Variants in RNF130 observed in about 807,000 individuals in gnomAD.
RNF130 encodes ring finger protein 130, also known as E3 ubiquitin-protein ligase RNF130.
RNF130 carries 21 observed loss-of-function variants against 44.6 expected under a neutral mutation model. The observed-to-expected ratio is 0.47, with a 90% CI of 0.33 to 0.68. The LOEUF (loss-of-function observed/expected upper bound fraction) is 0.68, where lower values mean the gene tolerates loss of function less well. Ranked by LOEUF, RNF130 falls within the 30% of genes least tolerant of loss-of-function variation. The pLI is 0.02. For synonymous variants in RNF130, 214 were observed against 210.4 expected (o/e 1.02, Z -0.15); for missense variants, 479 against 560.6 (o/e 0.85, Z 1.47).
At chr5:180,046,447 A>G (rs1764569420) in intron 1 of RNF130, among the ~76,000 whole-genome samples, 1 of 152,110 alleles carries the variant, frequency 6.6e-6, no homozygotes, top group African/African-American at 2.4e-5. Flanking sequence ...GTAAAACCTC[A>G]TTTCTTAGAA....
At chr5:179,995,195 G>A (rs557685996) in intron 3 of RNF130, among the ~76,000 whole-genome samples, 2,579 of 148,520 alleles carry the variant, frequency 0.017, 76 homozygotes, top group African/African-American at 0.06. Context: ...AACAGTATGG[G>A]ACCTGCCTCT....
intron 1 of RNF130, among the ~76,000 whole-genome samples, chr5:180,041,716 G>C (rs769949929): frequency 6.6e-6 from 1 of 152,156 alleles, no homozygotes; most frequent in Non-Finnish European, 1.5e-5. Flanking sequence ...TCTGTGTGCC[G>C]GGAAGGAAGT....
chr5:179,983,333 C>CTTT (rs35802224), intron 3 of RNF130, among the ~76,000 whole-genome samples: 4 of 108,392 alleles, frequency 3.7e-5, no homozygotes, highest in Non-Finnish European at 3.8e-5. Flanking sequence ...TACAGATGAA[C>CTTT]TTTTTTTTTT....
At chr5:180,012,584 C>T (rs984580106) in intron 3 of RNF130, among the ~76,000 whole-genome samples, 1 of 152,182 alleles carries the variant, frequency 6.6e-6, no homozygotes, top group Non-Finnish European at 1.5e-5. Context: ...CCCACTCACC[C>T]TTACCCCATG....
chr5:179,945,351 CG>C (rs1280500460), intron 7 of RNF130, among the ~76,000 whole-genome samples: 3 of 152,096 alleles, frequency 2.0e-5, no homozygotes, highest in Non-Finnish European at 4.4e-5. Flanking sequence ...ACCTCAGCGG[CG>C]GGGGCTTTTC....
At chr5:179,924,770 C>CAGAGTG (rs1396828145) in intron 7 of RNF130, among the ~76,000 whole-genome samples, 1 of 152,006 alleles carries the variant, frequency 6.6e-6, no homozygotes. Flanking sequence ...CCCTGGGTGA[C>CAGAGTG]AGAGTGAGGC....
intron 1 of RNF130, among the ~76,000 whole-genome samples, chr5:180,050,573 A>ATTC (rs1175167429): frequency 6.6e-5 from 10 of 152,142 alleles, no homozygotes; most frequent in Non-Finnish European, 1.5e-4. Flanking sequence ...GAAACATAGA[A>ATTC]TTCACCATCA....
chr5:180,042,886 C>T (rs1764458289), intron 1 of RNF130, among the ~76,000 whole-genome samples: 1 of 152,218 alleles, frequency 6.6e-6, no homozygotes, highest in Non-Finnish European at 1.5e-5. Context: ...CAAGACTGTG[C>T]TCCAAGGTCT....
intron 7 of RNF130, among the ~76,000 whole-genome samples, chr5:179,937,931 TGTGAGAGAGA>T (rs1296043668): frequency 1.1e-4 from 15 of 131,020 alleles, no homozygotes; most frequent in Non-Finnish European, 1.9e-4. Flanking sequence ...TGTGTGTGTG[TGTGAGAGAGA>T]GAGAGAGAGA....
chr5:180,010,352 T>C (rs577745626), intron 3 of RNF130, among the ~76,000 whole-genome samples: 2 of 151,024 alleles, frequency 1.3e-5, no homozygotes, highest in East Asian at 2.0e-4. Flanking sequence ...ATTCCACCTA[T>C]ATAACATTTT....
At chr5:179,938,137 T>C (rs1012497318) in intron 7 of RNF130, among the ~76,000 whole-genome samples, 2 of 152,004 alleles carry the variant, frequency 1.3e-5, no homozygotes, top group East Asian at 1.9e-4. Flanking sequence ...TTGTATTTTT[T>C]TGTAGAGATG....
At chr5:179,922,148 A>C (rs1361600453) in intron 7 of RNF130, among the ~76,000 whole-genome samples, 1 of 151,862 alleles carries the variant, frequency 6.6e-6, no homozygotes, top group Non-Finnish European at 1.5e-5. Context: ...GCATTCTAGC[A>C]GGAGTGTAGG....
chr5:179,927,743 C>T (rs574866034), intron 7 of RNF130, among the ~76,000 whole-genome samples: 7 of 151,894 alleles, frequency 4.6e-5, no homozygotes, highest in African/African-American at 9.7e-5. Context: ...CCCGCCACCA[C>T]GCCTGGCTAA....
intron 2 of RNF130, among the ~76,000 whole-genome samples, chr5:180,038,117 G>C (rs1314882917): frequency 1.3e-5 from 2 of 152,164 alleles, no homozygotes; most frequent in Non-Finnish European, 1.5e-5. Flanking sequence ...GCAGTGGTGT[G>C]ATCACGGCTC....
chr5:180,052,758 T>C (rs527474723), intron 1 of RNF130, among the ~76,000 whole-genome samples: 3 of 152,152 alleles, frequency 2.0e-5, no homozygotes, highest in Admixed American at 1.3e-4. Flanking sequence ...ACAAGGGAAA[T>C]CATAAAATCA....
chr5:180,056,839 C>T (rs897246261), intron 1 of RNF130, among the ~76,000 whole-genome samples: 7 of 152,084 alleles, frequency 4.6e-5, no homozygotes, highest in Admixed American at 3.9e-4. Flanking sequence ...AGCAGATCAC[C>T]GACAAAACCA....
intron 8 of RNF130, 24 bp from the exon 9 acceptor site, chr5:179,955,693 G>T (rs367704518): frequency 6.4e-7 from 1 of 1,555,382 alleles, no homozygotes. Context: ...GGAAAAAAGA[G>T]GTCATAAATT....
At chr5:179,954,615 T>C (rs1305887192), downstream of RNF130, among the ~76,000 whole-genome samples, 1 of 152,138 alleles carries the variant, frequency 6.6e-6, no homozygotes. Context: ...GTGATGAAAA[T>C]GTTCTGGAAT....
At position 180,054,887 on chromosome 5, in the gene RNF130, A is replaced by G. The variant is rs1764771710; in HGVS notation, c.248-14240T>C. Among the ~76,000 whole-genome samples, 6 of 152,218 alleles carry G rather than the reference A, an allele frequency of 3.9e-5. No homozygotes were observed. The South Asian group carries it at 1.2e-3, about 32-fold the overall frequency. ...GTGCTTTGCAGTTTTCAGTGCCAAT[A>G]TTACTTTAAATGATATTGTGAAATT... On this transcript the variant is annotated intron_variant, in intron 1 of 8. Transcript: ENST00000521389.
Sources: gnomAD v4.1 joint callset for allele counts (sites outside exome capture counted in the v4.1 genomes callset) on GRCh38, gnomAD v4.1.1 for gene constraint, MANE v1.5 for transcripts, NCBI Gene and HGNC (gene_info 2026-07-23, HGNC 2026-07-21) for gene names.